DSCAM: variants seen among roughly 807,000 people sequenced by gnomAD.
DSCAM encodes cell adhesion molecule DSCAM.
DSCAM carries 47 observed loss-of-function variants against 217.7 expected under a neutral mutation model. The ratio of observed to expected loss-of-function variants is 0.22; its 90% confidence interval spans 0.17 to 0.28. The LOEUF (loss-of-function observed/expected upper bound fraction) is 0.28. DSCAM is among the 10% of genes least tolerant of loss of function. The pLI, the probability that DSCAM is intolerant of heterozygous loss-of-function variation, is 1.00. For synonymous variants in DSCAM, 1,056 were observed against 1,015.3 expected (o/e 1.04, Z -0.76); for missense variants, 2,080 against 2,618.3 (o/e 0.79, Z 4.49).
chr21:40,152,358 C>T (rs754847483), intron 16 of DSCAM, among the ~76,000 whole-genome samples: 1 of 152,242 alleles, frequency 6.6e-6, no homozygotes, highest in African/African-American at 2.4e-5. Context: ...GTCATGCCTG[C>T]TCCTTGTTAG....
chr21:40,702,410 T>C (rs1175872158), intron 2 of DSCAM, among the ~76,000 whole-genome samples: 5 of 152,242 alleles, frequency 3.3e-5, no homozygotes, highest in Non-Finnish European at 7.4e-5. Flanking sequence ...AAATACACTT[T>C]GCTTAATATT....
At chr21:40,312,858 A>C (rs1025608009) in intron 8 of DSCAM, among the ~76,000 whole-genome samples, 3 of 152,186 alleles carry the variant, frequency 2.0e-5, no homozygotes, top group African/African-American at 7.2e-5. Context: ...CACACCTGTA[A>C]TCCCAGCACT....
intron 3 of DSCAM, among the ~76,000 whole-genome samples, chr21:40,657,339 C>A (rs1223562560): frequency 6.6e-6 from 1 of 152,092 alleles, no homozygotes; most frequent in Non-Finnish European, 1.5e-5. Context: ...AATAATTAGC[C>A]CTTAAGATGC....
chr21:40,770,142 T>C (rs546563536), intron 1 of DSCAM, among the ~76,000 whole-genome samples: 1 of 152,310 alleles, frequency 6.6e-6, no homozygotes, highest in African/African-American at 2.4e-5. Context: ...TATCCAATTA[T>C]CTTCCTAAAA....
chr21:40,686,462 CACAT>C (rs1343116305), intron 3 of DSCAM, among the ~76,000 whole-genome samples: 2 of 152,176 alleles, frequency 1.3e-5, no homozygotes, highest in Non-Finnish European at 2.9e-5. Context: ...GCACATCACA[CACAT>C]GTACACACAC....
intron 3 of DSCAM, among the ~76,000 whole-genome samples, chr21:40,536,502 C>T (rs929185368): frequency 2.0e-5 from 3 of 150,738 alleles, no homozygotes; most frequent in Non-Finnish European, 4.4e-5. Flanking sequence ...CCCGGGTTCA[C>T]GCCATTCTCC....
intron 3 of DSCAM, among the ~76,000 whole-genome samples, chr21:40,436,427 TTC>T (rs2075583128): frequency 6.6e-6 from 1 of 152,208 alleles, no homozygotes; most frequent in African/African-American, 2.4e-5. Flanking sequence ...CTGAGCTGAA[TTC>T]TCTCTGAACA....
chr21:40,806,619 G>A (rs912010357), intron 1 of DSCAM, among the ~76,000 whole-genome samples: 5 of 152,164 alleles, frequency 3.3e-5, no homozygotes, highest in African/African-American at 7.2e-5. Context: ...TTCAAGGGCT[G>A]TGTTTCTATT....
At chr21:40,422,302 T>G (rs1013902528) in intron 3 of DSCAM, among the ~76,000 whole-genome samples, 1 of 152,194 alleles carries the variant, frequency 6.6e-6, no homozygotes, top group Non-Finnish European at 1.5e-5. Context: ...ATTTGGATAT[T>G]TTAATTTTAT....
chr21:40,560,401 G>A (rs994445891), intron 3 of DSCAM, among the ~76,000 whole-genome samples: 2 of 152,142 alleles, frequency 1.3e-5, no homozygotes, highest in Admixed American at 6.5e-5. Context: ...GCCAGCTCTA[G>A]ATTTCACAAC....
rs1417701338 is a variant in DSCAM, at chr21:40,037,100, T to G, written c.5686+5271A>C. 2.0e-5 allele frequency among the ~76,000 whole-genome samples: 3 copies of G among 150,192 alleles called. 1 individual carries two copies. The highest frequency in any genetic ancestry group is 2.0e-4 in the Admixed American group (3 of 15,186). Reference sequence around the variant, plus strand: ...AAACTGGAAGCATTCCCTTGAAAACTGGCACAAGACAGGGATGCCCTCTCT... The same window carrying G: ...AAACTGGAAGCATTCCCTTGAAAACGGGCACAAGACAGGGATGCCCTCTCT... On this transcript the variant is annotated intron_variant, in intron 32 of 32. Transcript: ENST00000400454.
chr21:40,531,188 G>A (rs1020697129), intron 3 of DSCAM, among the ~76,000 whole-genome samples: 1 of 152,152 alleles, frequency 6.6e-6, no homozygotes, highest in African/African-American at 2.4e-5. Flanking sequence ...GGACATGGTG[G>A]TTTACAGTTC....
intron 1 of DSCAM, among the ~76,000 whole-genome samples, chr21:40,792,516 C>T (rs2091655291): frequency 6.6e-6 from 1 of 152,158 alleles, no homozygotes; most frequent in South Asian, 2.1e-4. Flanking sequence ...GATCCTATCT[C>T]CAAATACAGT....
At chr21:40,115,322 C>G (rs191327890) in intron 20 of DSCAM, among the ~76,000 whole-genome samples, 2 of 152,180 alleles carry the variant, frequency 1.3e-5, no homozygotes, top group East Asian at 3.9e-4. Flanking sequence ...GGAGAAAAAA[C>G]CAAACGCCGC....
chr21:40,164,188 G>A (rs2090569625), intron 16 of DSCAM, among the ~76,000 whole-genome samples: 1 of 152,186 alleles, frequency 6.6e-6, no homozygotes, highest in Non-Finnish European at 1.5e-5. Context: ...GTAACATAGA[G>A]GGTGAAACTC....
At chr21:40,512,467 G>C (rs892299590) in intron 3 of DSCAM, among the ~76,000 whole-genome samples, 2 of 152,134 alleles carry the variant, frequency 1.3e-5, no homozygotes, top group African/African-American at 2.4e-5. Flanking sequence ...GAATGAAGGA[G>C]CGAAACGTGG....
chr21:40,706,049 C>T (rs2090712592), intron 2 of DSCAM, among the ~76,000 whole-genome samples: 1 of 151,778 alleles, frequency 6.6e-6, no homozygotes, highest in Non-Finnish European at 1.5e-5. Context: ...GGTGTGGTGG[C>T]GGGTGCCTGT....
At chr21:40,617,989 T>C (rs1469388696) in intron 3 of DSCAM, among the ~76,000 whole-genome samples, 1 of 152,238 alleles carries the variant, frequency 6.6e-6, no homozygotes, top group East Asian at 1.9e-4. Flanking sequence ...TATGGCTGCC[T>C]GGGTGAAGGT....
At chr21:40,639,294 T>A (rs1215087517) in intron 3 of DSCAM, among the ~76,000 whole-genome samples, 2 of 152,178 alleles carry the variant, frequency 1.3e-5, no homozygotes, top group African/African-American at 2.4e-5. Context: ...TTTATGTATG[T>A]TGTCCAGTAG....
Sources: gnomAD v4.1 joint callset for allele counts (sites outside exome capture counted in the v4.1 genomes callset) on GRCh38, gnomAD v4.1.1 for gene constraint, MANE v1.5 for transcripts, NCBI Gene and HGNC (gene_info 2026-07-23, HGNC 2026-07-21) for gene names.